Variants in ZFR observed in about 807,000 individuals in gnomAD.
ZFR encodes the protein zinc finger RNA-binding protein.
A neutral mutation model predicts 130.7 loss-of-function variants in ZFR; 19 were observed. That is an observed-to-expected ratio of 0.15 (90% CI 0.10 to 0.21). ZFR has a LOEUF of 0.21. ZFR is among the 10% of genes least tolerant of loss of function. The pLI, the probability that ZFR is intolerant of heterozygous loss-of-function variation, is 1.00. For missense variants in ZFR, 872 were observed against 1,321.5 expected (o/e 0.66, Z 5.27); for synonymous variants, 466 against 456.9 (o/e 1.02, Z -0.25).
intron 6 of ZFR, among the ~76,000 whole-genome samples, chr5:32,405,331 A>G (rs1015918214): frequency 1.3e-5 from 2 of 152,186 alleles, no homozygotes; most frequent in Admixed American, 6.5e-5. Context: ...AAGCTGAATC[A>G]ACTTACTCTT....
At chr5:32,433,529 C>T (rs1306984799) in intron 2 of ZFR, among the ~76,000 whole-genome samples, 3 of 152,184 alleles carry the variant, frequency 2.0e-5, no homozygotes, top group Admixed American at 1.3e-4. Context: ...CTTCTTCCTG[C>T]ACTTGCAGGG....
rs1581677248 is a variant in ZFR at position 32,364,100 on chromosome 5, A to C, written c.2948-55T>G. The C allele has an allele frequency of 2.6e-5, 42 of 1,599,572 alleles. No homozygotes were observed. The East Asian group carries it at 9.4e-4, about 36-fold the overall frequency. On this transcript the variant is annotated intron_variant, in intron 18 of 19. Transcript: ENST00000265069. ...TATTAGCATTGTCCACTTATAAAAA[A>C]AATTATTCAACCAGCAAATGAGTAA...
chr5:32,422,262 C>T (rs1753973676), intron 2 of ZFR, among the ~76,000 whole-genome samples: 1 of 151,934 alleles, frequency 6.6e-6, no homozygotes, highest in Admixed American at 6.6e-5. Flanking sequence ...AAGGAATGAC[C>T]ATATGTTCTG....
chr5:32,413,320 C>A (rs1210115467), intron 5 of ZFR, among the ~76,000 whole-genome samples: 1 of 152,032 alleles, frequency 6.6e-6, no homozygotes, highest in Non-Finnish European at 1.5e-5. Flanking sequence ...AAGGCAATCA[C>A]AGTAACAATA....
chr5:32,415,899 G>A (rs1045406392), intron 4 of ZFR, among the ~76,000 whole-genome samples: 1 of 136,758 alleles, frequency 7.3e-6, no homozygotes. Context: ...TGTTATTTCT[G>A]AAAAAGGCCC....
chr5:32,418,921 G>A (rs1490474093), intron 3 of ZFR, among the ~76,000 whole-genome samples: 1 of 152,094 alleles, frequency 6.6e-6, no homozygotes, highest in African/African-American at 2.4e-5. Context: ...ACATAATAAG[G>A]AGAATGTAGA....
intron 17 of ZFR, among the ~76,000 whole-genome samples, chr5:32,374,210 A>G (rs1371430055): frequency 6.6e-6 from 1 of 152,220 alleles, no homozygotes; most frequent in East Asian, 1.9e-4. Context: ...ATTTCCATAC[A>G]TTTTTAAAAT....
At chr5:32,374,190 C>G (rs1752743359) in intron 17 of ZFR, among the ~76,000 whole-genome samples, 1 of 152,190 alleles carries the variant, frequency 6.6e-6, no homozygotes, top group African/African-American at 2.4e-5. Context: ...TCATGATGTA[C>G]AATGCTTGTA....
At chr5:32,398,542 G>C (rs2910882) in intron 9 of ZFR, among the ~76,000 whole-genome samples, 95,233 of 152,084 alleles carry the variant, frequency 0.63, 30,225 homozygotes, top group African/African-American at 0.72. Context: ...TTCTGGTTGA[G>C]AGCTTTTTTT....
intron 17 of ZFR, among the ~76,000 whole-genome samples, chr5:32,374,244 G>A (rs892861217): frequency 6.6e-5 from 10 of 152,124 alleles, no homozygotes; most frequent in East Asian, 1.9e-4. Flanking sequence ...GGTGGCTCAC[G>A]CCTGTAATCC....
intron 2 of ZFR, among the ~76,000 whole-genome samples, chr5:32,432,912 TA>T (rs1754255204): frequency 7.0e-6 from 1 of 143,110 alleles, no homozygotes. Flanking sequence ...TTTTTTTTTT[TA>T]AACAGAGATG....
At position 32,374,442 on chromosome 5, in the gene ZFR, G is replaced by C. The variant is rs79344399; in HGVS notation, c.2835+4673C>G. Reference sequence around the variant, plus strand: ...CGCTTGAACCTGGGAGATGGAGGTTGCAGTGAGCCAAGAAAGCACTGCTGC... The same window carrying C: ...CGCTTGAACCTGGGAGATGGAGGTTCCAGTGAGCCAAGAAAGCACTGCTGC... On this transcript the variant is annotated intron_variant, in intron 17 of 19. Transcript: ENST00000265069. Among the ~76,000 whole-genome samples the C allele has an allele frequency of 3.3e-5, 5 of 152,212 alleles. No individual in the cohort carries two copies. In the East Asian group the frequency reaches 9.7e-4, roughly 29 times the overall value.
chr5:32,360,841 C>T (rs1368246650), intron 19 of ZFR, among the ~76,000 whole-genome samples: 2 of 152,074 alleles, frequency 1.3e-5, no homozygotes, highest in Non-Finnish European at 2.9e-5. Context: ...ATCCTCCCAC[C>T]TCGGCCTCGC....
chr5:32,410,975 G>C lies in ZFR; in HGVS notation c.785-3954C>G, dbSNP rs1753693350. On this transcript the variant is annotated intron_variant, in intron 5 of 19. Coordinates refer to ENST00000265069, the MANE Select transcript of ZFR (RefSeq NM_016107.5). ...AAATGTACAAATCTTTACATGTAAG[G>C]ATGTTCTACCTAGTGCTGTTTCCAG... Among the ~76,000 whole-genome samples, 3 of 152,204 alleles carry C rather than the reference G, an allele frequency of 2.0e-5. No individual in the cohort carries two copies. In the South Asian group the frequency reaches 6.2e-4, roughly 31 times the overall value.
intron 17 of ZFR, among the ~76,000 whole-genome samples, chr5:32,375,070 CTA>C (rs554176779): frequency 6.6e-5 from 10 of 152,108 alleles, no homozygotes; most frequent in Non-Finnish European, 1.5e-4. Context: ...CTTAAACAAA[CTA>C]TTGGCAAGCA....
chr5:32,415,869 T>G (rs1050149395), intron 4 of ZFR, among the ~76,000 whole-genome samples: 2 of 152,104 alleles, frequency 1.3e-5, no homozygotes, highest in Admixed American at 1.3e-4. Flanking sequence ...CACTTGTAAA[T>G]GATCACTAAA....
At chr5:32,371,398 C>A (rs573151956) in intron 17 of ZFR, among the ~76,000 whole-genome samples, 1 of 152,254 alleles carries the variant, frequency 6.6e-6, no homozygotes, top group South Asian at 2.1e-4. Context: ...ATACACACTA[C>A]TGCATTTCAG....
chr5:32,431,968 C>T (rs1008738855), intron 2 of ZFR, among the ~76,000 whole-genome samples: 5 of 151,522 alleles, frequency 3.3e-5, no homozygotes, highest in Admixed American at 6.6e-5. Context: ...GCTGAGACTA[C>T]GCATGTGTGC....
chr5:32,443,150 G>T (rs1754510390), intron 2 of ZFR, among the ~76,000 whole-genome samples: 1 of 151,770 alleles, frequency 6.6e-6, no homozygotes, highest in Non-Finnish European at 1.5e-5. Flanking sequence ...TAAATCAAAT[G>T]AAAAAAACTG....
Sources: gnomAD v4.1 joint callset for allele counts (sites outside exome capture counted in the v4.1 genomes callset) on GRCh38, gnomAD v4.1.1 for gene constraint, MANE v1.5 for transcripts, NCBI Gene and HGNC (gene_info 2026-07-23, HGNC 2026-07-21) for gene names.